The following RNF220 variants were observed in gnomAD, a reference collection of about 807,000 sequenced individuals.
RNF220 encodes E3 ubiquitin-protein ligase RNF220.
Under a neutral mutation model 67.1 loss-of-function variants are expected in RNF220, and 7 were observed. The ratio of observed to expected loss-of-function variants is 0.10; its 90% CI spans 0.06 to 0.20. The LOEUF is 0.20. RNF220 is among the 10% of genes least tolerant of loss of function. The pLI is 1.00. For missense variants in RNF220, 565 were observed against 740.3 expected (o/e 0.76, Z 2.75); for synonymous variants, 270 against 283.2 (o/e 0.95, Z 0.47).
chr1:44,590,502 G>A (rs1303863739), intron 2 of RNF220, among the ~76,000 whole-genome samples: 3 of 152,194 alleles, frequency 2.0e-5, no homozygotes, highest in African/African-American at 7.2e-5. Flanking sequence ...TATATGTAGG[G>A]CCCTGAATAC....
intron 1 of RNF220, among the ~76,000 whole-genome samples, chr1:44,407,352 AG>A (rs1431961878): frequency 9.2e-5 from 14 of 152,218 alleles, no homozygotes; most frequent in African/African-American, 3.1e-4. Context: ...CAGAGTGGGC[AG>A]GGGGGCTTTG....
At chr1:44,635,946 G>T in intron 7 of RNF220, 84 bp from the exon 8 acceptor site, 2 of 1,602,536 alleles carry the variant, frequency 1.2e-6, no homozygotes, top group Non-Finnish European at 1.7e-6. Flanking sequence ...CACAGCTGGG[G>T]CTAGAGCTGT....
intron 2 of RNF220, among the ~76,000 whole-genome samples, chr1:44,566,891 C>G (rs577044671): frequency 6.6e-6 from 1 of 152,308 alleles, no homozygotes; most frequent in East Asian, 1.9e-4. Context: ...ATTTCCTATC[C>G]CATCCCCCTG....
At chr1:44,607,632 C>T (rs1321635748) in intron 2 of RNF220, among the ~76,000 whole-genome samples, 2 of 152,100 alleles carry the variant, frequency 1.3e-5, no homozygotes, top group African/African-American at 2.4e-5. Flanking sequence ...GGACTACAGG[C>T]GCCCGCCACC....
intron 2 of RNF220, among the ~76,000 whole-genome samples, chr1:44,612,183 C>T (rs1374286424): frequency 6.6e-6 from 1 of 152,248 alleles, no homozygotes; most frequent in African/African-American, 2.4e-5. Context: ...GAGCTGCTGT[C>T]CCAGCCCTCC....
intron 2 of RNF220, among the ~76,000 whole-genome samples, chr1:44,588,078 T>C (rs1411802426): frequency 6.6e-6 from 1 of 152,168 alleles, no homozygotes; most frequent in African/African-American, 2.4e-5. Flanking sequence ...TAGCCCAAGG[T>C]CAGGCCCATG....
rs901580716 is a variant in RNF220 at position 44,631,893 on chromosome 1, TG to T, written c.907-448del. Reference sequence around the variant, plus strand: ...TACCCGAGTACAAACGGCAGCTTCCTGGTCTCTGTCCGGCCGCCCCCGCCGC... The same window carrying T: ...TACCCGAGTACAAACGGCAGCTTCCTGTCTCTGTCCGGCCGCCCCCGCCGC... On this transcript the variant is annotated intron_variant, in intron 5 of 14. Transcript: ENST00000361799. The T allele has an allele frequency of 3.0e-6, 3 of 985,810 alleles. No individual in the cohort carries two copies. In the African/African-American group the frequency reaches 5.2e-5, roughly 17 times the overall value. The allele number at this position is 985,810 out of a possible 1,614,324, so 61.1% of individuals were successfully genotyped here. A position where few individuals can be genotyped will look rare whatever the true frequency, so the allele number is the denominator to read the frequency against.
At chr1:44,531,525 A>C (rs1259185129) in intron 2 of RNF220, among the ~76,000 whole-genome samples, 1 of 152,210 alleles carries the variant, frequency 6.6e-6, no homozygotes. Context: ...ACAGAGGCCA[A>C]AGTCTTTTCC....
intron 2 of RNF220, among the ~76,000 whole-genome samples, chr1:44,566,763 G>C (rs1664053508): frequency 1.3e-5 from 2 of 152,156 alleles, no homozygotes; most frequent in African/African-American, 4.8e-5. Context: ...AGAGAAAAAA[G>C]ACCTCTGGAG....
chr1:44,521,880 ATG>A (rs1659971202), intron 2 of RNF220, among the ~76,000 whole-genome samples: 1 of 110,086 alleles, frequency 9.1e-6, no homozygotes, highest in Non-Finnish European at 2.3e-5. Context: ...GAATGAGTGA[ATG>A]AATGAATGAA....
At position 44,576,768 on chromosome 1, in the gene RNF220, G is replaced by A. The variant is rs752423277; in HGVS notation, c.626-37397G>A. Among the ~76,000 whole-genome samples, 8 of 152,172 alleles carry A rather than the reference G, an allele frequency of 5.3e-5. No individual in the cohort carries two copies. In the East Asian group the frequency reaches 5.8e-4, roughly 11 times the overall value. ...ACAAAGAGGGATGGCCAGTTTTTTC[G>A]TCTCTGACTTGTTATTTCAGCCGGA... On this transcript the variant is annotated intron_variant, in intron 2 of 14. Transcript: ENST00000361799.
rs554902218 is a variant in RNF220, at chr1:44,604,320, G to A, written c.626-9845G>A. Among the ~76,000 whole-genome samples, 17 of 152,310 alleles carry A rather than the reference G, an allele frequency of 1.1e-4. 1 individual carries two copies. The East Asian group carries it at 2.9e-3, about 26-fold the overall frequency. On this transcript the variant is annotated intron_variant, in intron 2 of 14. Transcript: ENST00000361799. Reference sequence around the variant, plus strand: ...GTAGTCTGTGAAGCCTAATCCCAGGGAACTCTGGGAGGCCCTGCCTGCCCC... The same window carrying A: ...GTAGTCTGTGAAGCCTAATCCCAGGAAACTCTGGGAGGCCCTGCCTGCCCC...
chr1:44,485,061 G>A (rs186899497), intron 2 of RNF220, among the ~76,000 whole-genome samples: 8 of 152,288 alleles, frequency 5.3e-5, no homozygotes, highest in East Asian at 1.9e-4. Context: ...ACTTGAACCC[G>A]GGAGGCGGAG....
intron 8 of RNF220, among the ~76,000 whole-genome samples, chr1:44,639,858 C>T (rs1045605725): frequency 6.6e-6 from 1 of 152,216 alleles, no homozygotes; most frequent in Admixed American, 6.5e-5. Flanking sequence ...GGCACGATTT[C>T]GGCTCACTGC....
intron 2 of RNF220, among the ~76,000 whole-genome samples, chr1:44,505,900 C>G (rs563870425): frequency 6.6e-6 from 1 of 152,122 alleles, no homozygotes; most frequent in Admixed American, 6.5e-5. Context: ...CCCCTCCCCC[C>G]ATGCCCTGCC....
chr1:44,535,878 A>G (rs1478868203), intron 2 of RNF220, among the ~76,000 whole-genome samples: 1 of 152,148 alleles, frequency 6.6e-6, no homozygotes, highest in African/African-American at 2.4e-5. Context: ...GGAGCTGGCT[A>G]CGTGCTGTGG....
intron 2 of RNF220, among the ~76,000 whole-genome samples, chr1:44,584,359 C>T (rs1446068360): frequency 6.6e-6 from 1 of 152,230 alleles, no homozygotes; most frequent in Non-Finnish European, 1.5e-5. Context: ...GTGGTTCATT[C>T]CTCTTTTATA....
Position 44,624,973 on chromosome 1 carries a change from G to T in RNF220, c.805-1324G>T, listed in dbSNP as rs772370821. ...AGCACCAGTGACCTTTTTTTATTCCGCTTGCCCCAGGTGTAATGCCGAGGC... is the reference window on the plus strand; with the variant it reads ...AGCACCAGTGACCTTTTTTTATTCCTCTTGCCCCAGGTGTAATGCCGAGGC... On this transcript the variant is annotated intron_variant, in intron 4 of 14. Transcript: ENST00000361799. The surrounding 1 kb of genome is among the most constrained non-coding windows in gnomAD (Gnocchi z 4.2). Among the ~76,000 whole-genome samples, 2 of 150,806 alleles carry T rather than the reference G, an allele frequency of 1.3e-5. No homozygotes were observed. The highest frequency in any genetic ancestry group is 4.9e-5 in the African/African-American group (2 of 40,920).
chr1:44,442,848 A>G (rs1267573988), intron 2 of RNF220, among the ~76,000 whole-genome samples: 1 of 152,064 alleles, frequency 6.6e-6, no homozygotes, highest in Non-Finnish European at 1.5e-5. Flanking sequence ...AAAGCCAGAA[A>G]TAATCTTGCT....
Sources: gnomAD v4.1 joint callset for allele counts (sites outside exome capture counted in the v4.1 genomes callset) on GRCh38, gnomAD v4.1.1 for gene constraint, Gnocchi (gnomAD v3.1) non-coding constraint, MANE v1.5 for transcripts, NCBI Gene and HGNC (gene_info 2026-07-23, HGNC 2026-07-21) for gene names.